The following SLC25A26 variants were observed in gnomAD, a reference collection of about 807,000 sequenced individuals.
SLC25A26 encodes mitochondrial S-adenosylmethionine carrier protein.
SLC25A26 carries 36 observed loss-of-function variants against 37.8 expected under a neutral mutation model. That is an observed-to-expected ratio of 0.95 (90% CI 0.73 to 1.26). The LOEUF is 1.26. SLC25A26 is among the 50% of genes most tolerant of loss of function. The pLI is 0.00. For missense variants in SLC25A26, 390 were observed against 331.1 expected (o/e 1.18, Z -1.38); for synonymous variants, 129 against 122.5 (o/e 1.05, Z -0.35).
At chr3:66,271,578 G>A (rs1434518916) in intron 5 of SLC25A26, among the ~76,000 whole-genome samples, 3 of 152,094 alleles carry the variant, frequency 2.0e-5, no homozygotes, top group South Asian at 2.1e-4. Context: ...TATGAGTTGC[G>A]TGGGGATTGG....
At position 66,208,781 on chromosome 3, in the gene SLC25A26, TG is replaced by T. The variant is rs1383346836; in HGVS notation, c.-353-11958del. ...ATTTATATGGGTGTATATATATATA[TG>T]GGTATATATATACACACCTTTACAT... On this transcript the variant is annotated intron_variant, in intron 1 of 10. Transcript: ENST00000676754. 3.5e-5 allele frequency among the ~76,000 whole-genome samples: 3 copies of T among 84,938 alleles called. No individual in the cohort carries two copies. The Admixed American group carries it at 4.1e-4, about 12-fold the overall frequency. 55.7% of individuals were successfully genotyped at this position (84,938 alleles called of 152,430 possible).
chr3:66,285,730 G>T (rs937612283), intron 5 of SLC25A26, among the ~76,000 whole-genome samples: 11 of 151,916 alleles, frequency 7.2e-5, no homozygotes, highest in Non-Finnish European at 1.5e-4. Context: ...AAAGTGCTGG[G>T]ATTACAGGCA....
chr3:66,222,290 C>G (rs1342093185), intron 1 of SLC25A26, among the ~76,000 whole-genome samples: 1 of 151,728 alleles, frequency 6.6e-6, no homozygotes, highest in African/African-American at 2.4e-5. Flanking sequence ...ACGCCATTCT[C>G]CTGCCTCAGC....
At chr3:66,142,997 C>T (rs1040076483) in intron 1 of SLC25A26, among the ~76,000 whole-genome samples, 3 of 151,994 alleles carry the variant, frequency 2.0e-5, no homozygotes, top group Non-Finnish European at 4.4e-5. Context: ...GAACTCCTGG[C>T]CTCAGGCGAT....
At chr3:66,347,517 CTGTT>C (rs1002996194) in intron 6 of SLC25A26, among the ~76,000 whole-genome samples, 2 of 152,204 alleles carry the variant, frequency 1.3e-5, no homozygotes, top group Non-Finnish European at 2.9e-5. Flanking sequence ...CGCTTTTACA[CTGTT>C]GGTGGGAATG....
intron 5 of SLC25A26, among the ~76,000 whole-genome samples, chr3:66,274,038 G>T (rs2074046121): frequency 6.6e-6 from 1 of 152,148 alleles, no homozygotes; most frequent in South Asian, 2.1e-4. Flanking sequence ...CATGGTACTG[G>T]TACCAAAACA....
intron 1 of SLC25A26, 50 bp from the exon 2 acceptor site, chr3:66,236,494 T>A: frequency 7.1e-7 from 1 of 1,408,926 alleles, no homozygotes; most frequent in Non-Finnish European, 9.3e-7. Flanking sequence ...GAGAGCTTAT[T>A]TTGTTGTAAC....
At chr3:66,158,773 C>A (rs190593705) in intron 1 of SLC25A26, among the ~76,000 whole-genome samples, 10 of 152,194 alleles carry the variant, frequency 6.6e-5, no homozygotes, top group Admixed American at 3.3e-4. Context: ...GATATGAGGA[C>A]AATCATGAGT....
At chr3:66,258,408 C>G (rs970971351) in intron 3 of SLC25A26, among the ~76,000 whole-genome samples, 7 of 152,124 alleles carry the variant, frequency 4.6e-5, no homozygotes, top group African/African-American at 9.7e-5. Context: ...AAGTTCTGGA[C>G]TAAAATTTGA....
intron 1 of SLC25A26, among the ~76,000 whole-genome samples, chr3:66,163,064 A>G (rs886671660): frequency 6.6e-6 from 1 of 152,178 alleles, no homozygotes; most frequent in Admixed American, 6.5e-5. Context: ...GTCTTCCAAG[A>G]AGCCCTGCAG....
chr3:66,165,022 T>C (rs1024935944), intron 1 of SLC25A26, among the ~76,000 whole-genome samples: 7 of 152,298 alleles, frequency 4.6e-5, no homozygotes, highest in African/African-American at 1.7e-4. Context: ...CTTGGACTAA[T>C]AGAAGTGACA....
At chr3:66,303,673 G>A (rs912178891) in intron 5 of SLC25A26, among the ~76,000 whole-genome samples, 1 of 152,172 alleles carries the variant, frequency 6.6e-6, no homozygotes, top group Non-Finnish European at 1.5e-5. Context: ...GCTTTCTGTT[G>A]CTGTGTAATG....
At chr3:66,141,040 A>G (rs778392543) in intron 1 of SLC25A26, among the ~76,000 whole-genome samples, 2 of 142,256 alleles carry the variant, frequency 1.4e-5, no homozygotes, top group African/African-American at 2.9e-5. Flanking sequence ...ACACTTCAGT[A>G]TAGAAACAGG....
intron 5 of SLC25A26, among the ~76,000 whole-genome samples, chr3:66,335,756 C>T (rs2076080434): frequency 6.6e-6 from 1 of 152,244 alleles, no homozygotes; most frequent in African/African-American, 2.4e-5. Flanking sequence ...ATTCCTCAGC[C>T]CCTTCTGTCT....
chr3:66,308,859 C>G (rs2075299304), intron 5 of SLC25A26, among the ~76,000 whole-genome samples: 1 of 151,604 alleles, frequency 6.6e-6, no homozygotes, highest in African/African-American at 2.4e-5. Context: ...ATATGTTGAA[C>G]CAACCTTGCA....
At chr3:66,355,449 T>G (rs899003937) in intron 6 of SLC25A26, among the ~76,000 whole-genome samples, 13 of 152,158 alleles carry the variant, frequency 8.5e-5, no homozygotes, top group African/African-American at 2.7e-4. Context: ...GGATTCCTAA[T>G]TATCAGTTAG....
chr3:66,135,963 C>T (rs2069940837), intron 1 of SLC25A26, among the ~76,000 whole-genome samples: 2 of 152,160 alleles, frequency 1.3e-5, no homozygotes, highest in African/African-American at 4.8e-5. Flanking sequence ...TTTGGCTAAG[C>T]TATTTTACAA....
intron 3 of SLC25A26, among the ~76,000 whole-genome samples, chr3:66,248,326 T>A (rs1161187310): frequency 1.3e-5 from 2 of 152,230 alleles, no homozygotes; most frequent in East Asian, 3.9e-4. Flanking sequence ...TTGTGCCGTT[T>A]TTATTAGGAA....
At chr3:66,140,303 A>T (rs2070015075) in intron 1 of SLC25A26, among the ~76,000 whole-genome samples, 1 of 152,206 alleles carries the variant, frequency 6.6e-6, no homozygotes, top group Non-Finnish European at 1.5e-5. Context: ...TGGAATGTGT[A>T]TTCCGTTGAG....
Sources: allele counts gnomAD v4.1 joint callset (sites outside exome capture counted in the v4.1 genomes callset), GRCh38; gene constraint gnomAD v4.1.1; transcripts MANE v1.5; gene names NCBI Gene and HGNC (gene_info 2026-07-23, HGNC 2026-07-21).